Variants in BCL7C observed in about 807,000 individuals in gnomAD.
The protein encoded by BCL7C is B-cell CLL/lymphoma 7 protein family member C.
BCL7C carries 8 observed loss-of-function variants against 26.2 expected under a neutral mutation model. The ratio of observed to expected loss-of-function variants is 0.30; its 90% CI spans 0.18 to 0.55. The LOEUF is 0.55. Ranked by LOEUF, BCL7C falls within the 20% of genes least tolerant of loss-of-function variation. The pLI, the probability that BCL7C is intolerant of heterozygous loss-of-function variation, is 0.93. For synonymous variants in BCL7C, 90 were observed against 116.5 expected (o/e 0.77, Z 1.47); for missense variants, 262 against 298.5 (o/e 0.88, Z 0.90).
At chr16:30,863,584 G>A (rs1239647858) in intron 5 of BCL7C, among the ~76,000 whole-genome samples, 2 of 152,174 alleles carry the variant, frequency 1.3e-5, no homozygotes, top group African/African-American at 4.8e-5. Flanking sequence ...TGCTGATAAG[G>A]TAGCTAAAGA....
chr16:30,872,563 A>G (rs1249700625), intron 5 of BCL7C, among the ~76,000 whole-genome samples: 1 of 152,130 alleles, frequency 6.6e-6, no homozygotes, highest in African/African-American at 2.4e-5. Flanking sequence ...GGCAAATGAG[A>G]TGGGATTTCT....
downstream of BCL7C, chr16:30,887,712 C>T (rs900270356): frequency 3.1e-5 from 40 of 1,287,366 alleles, no homozygotes; most frequent in Non-Finnish European, 4.0e-5. Flanking sequence ...GCCTCAGTGA[C>T]CACATCTGAG....
At chr16:30,846,199 A>AATTTATTTATTTATTTATTT (rs748604975) in intron 5 of BCL7C, among the ~76,000 whole-genome samples, 81 of 131,448 alleles carry the variant, frequency 6.2e-4, no homozygotes, top group Middle Eastern at 3.5e-3. Flanking sequence ...CTAATTTTAA[A>AATTTATTTATTTATTTATTT]ATTTATTTAT....
At chr16:30,848,753 G>C (rs891643362) in intron 5 of BCL7C, among the ~76,000 whole-genome samples, 3 of 152,100 alleles carry the variant, frequency 2.0e-5, no homozygotes, top group Non-Finnish European at 4.4e-5. Context: ...TTCTAGCTGA[G>C]TGTGGTGGCA....
chr16:30,846,199 A>AATTTATTATTT (rs1555478876), intron 5 of BCL7C, among the ~76,000 whole-genome samples: 2 of 131,414 alleles, frequency 1.5e-5, no homozygotes, highest in Admixed American at 7.5e-5. Flanking sequence ...CTAATTTTAA[A>AATTTATTATTT]ATTTATTTAT....
At chr16:30,888,444 C>T (rs1362844845) in intron 5 of BCL7C, among the ~76,000 whole-genome samples, 1 of 152,044 alleles carries the variant, frequency 6.6e-6, no homozygotes, top group Non-Finnish European at 1.5e-5. Flanking sequence ...TCAAGCAATT[C>T]TCCTGCCTTA....
chr16:30,856,041 G>T (rs1308830774), intron 5 of BCL7C, among the ~76,000 whole-genome samples: 1 of 139,276 alleles, frequency 7.2e-6, no homozygotes, highest in Admixed American at 7.5e-5. Flanking sequence ...CAGCCTGGGC[G>T]ACAAAGCAAG....
chr16:30,890,267 A>T (rs1335704820), intron 4 of BCL7C, among the ~76,000 whole-genome samples: 3 of 151,710 alleles, frequency 2.0e-5, no homozygotes, highest in Middle Eastern at 3.4e-3. Context: ...GGTGTTGTGC[A>T]GCCTGTAATC....
At chr16:30,837,985 C>T (rs902302421) in intron 5 of BCL7C, among the ~76,000 whole-genome samples, 3 of 152,226 alleles carry the variant, frequency 2.0e-5, no homozygotes, top group Non-Finnish European at 4.4e-5. Context: ...CCCTACCACA[C>T]TTTTCCCTTC....
exon 6 of BCL7C, chr16:30,835,023 C>A: frequency 6.5e-7 from 1 of 1,549,226 alleles, no homozygotes; most frequent in Non-Finnish European, 8.7e-7. Context: ...CTCTGGTGTC[C>A]GGCACCGCCA....
chr16:30,846,240 T>TTTATTTA (rs1567308543), intron 5 of BCL7C, among the ~76,000 whole-genome samples: 4,608 of 78,970 alleles, frequency 0.058, 262 homozygotes, highest in African/African-American at 0.25. Context: ...TTATTTATTT[T>TTTATTTA]TTGGAGATGG....
intron 5 of BCL7C, among the ~76,000 whole-genome samples, chr16:30,856,420 G>C (rs1360274056): frequency 7.4e-6 from 1 of 134,386 alleles, no homozygotes; most frequent in Non-Finnish European, 1.5e-5. Flanking sequence ...CAGTCTGGGC[G>C]ACACAGTGAG....
chr16:30,875,001 T>G (rs913370820), intron 5 of BCL7C, among the ~76,000 whole-genome samples: 4 of 152,160 alleles, frequency 2.6e-5, no homozygotes, highest in Non-Finnish European at 4.4e-5. Context: ...GAGGGACAGC[T>G]GGTCTCCGGG....
At chr16:30,835,891 C>A (rs1223113074) in intron 5 of BCL7C, among the ~76,000 whole-genome samples, 1 of 151,826 alleles carries the variant, frequency 6.6e-6, no homozygotes, top group Non-Finnish European at 1.5e-5. Context: ...GATGGTTTAG[C>A]CTGTTATCCC....
chr16:30,873,535 G>A (rs1191599011), intron 5 of BCL7C, among the ~76,000 whole-genome samples: 1 of 152,082 alleles, frequency 6.6e-6, no homozygotes. Flanking sequence ...ATCTCTCTCA[G>A]TAAAGGTGTT....
At chr16:30,857,019 TTTTG>T (rs572390101) in intron 5 of BCL7C, among the ~76,000 whole-genome samples, 355 of 152,306 alleles carry the variant, frequency 2.3e-3, no homozygotes, top group African/African-American at 8.4e-3. Flanking sequence ...CACTGCCTGT[TTTTG>T]TTTGTTTTCA....
intron 5 of BCL7C, among the ~76,000 whole-genome samples, chr16:30,853,681 G>C (rs961873189): frequency 1.3e-5 from 2 of 152,164 alleles, no homozygotes; most frequent in Admixed American, 1.3e-4. Flanking sequence ...AGCAGCTTCT[G>C]CTAAACCCTT....
At chr16:30,854,629 C>A (rs369985906) in intron 5 of BCL7C, among the ~76,000 whole-genome samples, 32 of 152,078 alleles carry the variant, frequency 2.1e-4, no homozygotes, top group Non-Finnish European at 3.4e-4. Flanking sequence ...AATTTTCCTG[C>A]ACAATCAGCT....
intron 4 of BCL7C, among the ~76,000 whole-genome samples, chr16:30,889,339 G>A (rs764052452): frequency 5.9e-5 from 9 of 152,110 alleles, no homozygotes; most frequent in Middle Eastern, 3.2e-3. Flanking sequence ...TCAGATGAGC[G>A]GATGCAGGTA....
Sources: gnomAD v4.1 joint callset for allele counts (sites outside exome capture counted in the v4.1 genomes callset) on GRCh38, gnomAD v4.1.1 for gene constraint, MANE v1.5 for transcripts, NCBI Gene and HGNC (gene_info 2026-07-23, HGNC 2026-07-21) for gene names.